BRAF: variants seen among roughly 807,000 people sequenced by gnomAD.
BRAF encodes the protein B-Raf proto-oncogene, serine/threonine kinase.
BRAF carries 16 observed loss-of-function variants against 104.6 expected under a neutral mutation model. The observed-to-expected ratio is 0.15, with a 90% CI of 0.10 to 0.23. The LOEUF (loss-of-function observed/expected upper bound fraction) is 0.23, where lower values mean the gene tolerates loss of function less well. Ranked by LOEUF, BRAF falls within the 10% of genes least tolerant of loss-of-function variation. The probability of loss-of-function intolerance (pLI) is 1.00; values close to 1 mark genes in which losing one functional copy is unlikely to be tolerated. For missense variants in BRAF, 541 were observed against 937.3 expected, an observed-to-expected ratio of 0.58 and a Z score of 5.52; for synonymous variants, 310 against 341.6, an observed-to-expected ratio of 0.91 and a Z score of 1.02.
chr7:140,718,469 C>T (rs111720314), downstream of BRAF, among the ~76,000 whole-genome samples: 1,559 of 152,300 alleles, frequency 0.01, 29 homozygotes, highest in African/African-American at 0.035. Flanking sequence ...AGGCTGGTCT[C>T]GAACTCCTAA....
intron 1 of BRAF, among the ~76,000 whole-genome samples, chr7:140,851,502 T>C (rs996667475): frequency 6.6e-6 from 1 of 152,216 alleles, no homozygotes; most frequent in African/African-American, 2.4e-5. Flanking sequence ...GACATTTAGA[T>C]TATTCCATTT....
intron 3 of BRAF, among the ~76,000 whole-genome samples, chr7:140,827,023 A>C (rs1342274982): frequency 6.6e-6 from 1 of 152,192 alleles, no homozygotes; most frequent in Non-Finnish European, 1.5e-5. Flanking sequence ...TCTTACAGGA[A>C]GTCAACATTC....
chr7:140,790,031 A>G (rs896198845), intron 8 of BRAF, among the ~76,000 whole-genome samples: 3 of 152,204 alleles, frequency 2.0e-5, no homozygotes, highest in African/African-American at 7.2e-5. Context: ...CACCCAGCCG[A>G]TAAGATTTTT....
chr7:140,903,725 A>G (rs1339638562), intron 1 of BRAF, among the ~76,000 whole-genome samples: 1 of 152,244 alleles, frequency 6.6e-6, no homozygotes, highest in Non-Finnish European at 1.5e-5. Context: ...GATGCCATAA[A>G]GAACATTTGT....
rs2130867443 is a variant in BRAF, at chr7:140,734,608, G to A, written c.2401+9C>T. On this transcript the variant is annotated intron_variant, in intron 19 of 19. Coordinates refer to ENST00000644969, the MANE Select transcript of BRAF (RefSeq NM_001374258.1). ...CTCACTCATTTGTTTCAGTGGACAG[G>A]AAACGCACCATATCCCCCTGCCTGG... is the stretch of plus-strand genomic sequence containing the variant. 6.2e-7 allele frequency: 1 copy of A among 1,613,670 alleles called. No homozygotes were observed. The highest frequency in any genetic ancestry group is 8.5e-7 in the Non-Finnish European group (1 of 1,179,942).
intron 1 of BRAF, among the ~76,000 whole-genome samples, chr7:140,872,571 A>T (rs1479806984): frequency 3.9e-5 from 6 of 152,138 alleles, no homozygotes; most frequent in African/African-American, 1.4e-4. Context: ...AGAAAGAATA[A>T]GAGCTGGGCA....
intron 8 of BRAF, among the ~76,000 whole-genome samples, chr7:140,788,661 T>C (rs1801636722): frequency 2.0e-5 from 3 of 152,048 alleles, no homozygotes; most frequent in Non-Finnish European, 4.4e-5. Flanking sequence ...TGATCTTGGC[T>C]TATTGCAACC....
chr7:140,830,262 T>G (rs559876841), intron 3 of BRAF, among the ~76,000 whole-genome samples: 1 of 152,344 alleles, frequency 6.6e-6, no homozygotes, highest in African/African-American at 2.4e-5. Flanking sequence ...AAATAAAAAT[T>G]AGGTTGATTT....
intron 12 of BRAF, among the ~76,000 whole-genome samples, chr7:140,779,228 G>A (rs943548102): frequency 6.6e-6 from 1 of 152,074 alleles, no homozygotes; most frequent in Non-Finnish European, 1.5e-5. Flanking sequence ...TGCTAGTAAT[G>A]TTCTGTTTAT....
Position 140,760,439 on chromosome 7 carries a change from A to G in BRAF, c.1815-6206T>C, listed in dbSNP as rs923484476. 2.0e-4 allele frequency among the ~76,000 whole-genome samples: 30 copies of G among 147,030 alleles called. No homozygotes were observed. The East Asian group carries it at 4.6e-3, about 22-fold the overall frequency. On this transcript the variant is annotated intron_variant, in intron 14 of 19. Transcript: ENST00000644969. ...AGAGAGAGAAAAAAAAAAAAAAAAA[A>G]GATGTTTTCTGGAGCAGCAGGGGCA...
intron 1 of BRAF, among the ~76,000 whole-genome samples, chr7:140,859,234 A>G (rs1374211998): frequency 6.6e-6 from 1 of 152,202 alleles, no homozygotes; most frequent in East Asian, 1.9e-4. Flanking sequence ...TTGGTAGCTT[A>G]TCAAAAAGTT....
Position 140,781,492 on chromosome 7 carries a change from C to A in BRAF, c.1552+84G>T. The stretch of plus-strand genomic sequence containing the variant: ...TATTGATGCGAACAGTGAATATTTC[C>A]TTTGATGATATTTTTTACAAAATAA... On this transcript the variant is annotated intron_variant, in intron 12 of 19. Transcript: ENST00000644969. 3 of 1,270,572 alleles carry A rather than the reference C, an allele frequency of 2.4e-6. No homozygotes were observed. In the South Asian group the frequency reaches 3.6e-5, roughly 15 times the overall value. The allele number at this position is 1,270,572 out of a possible 1,614,324, so 78.7% of individuals were successfully genotyped here.
chr7:140,740,273 T>TA (rs201750702), intron 17 of BRAF: 1,737 of 186,948 alleles, frequency 9.3e-3, no homozygotes, highest in Middle Eastern at 0.018. Context: ...TTCTTTACTT[T>TA]AAAAAAAAAA....
At chr7:140,860,463 TAGAAAAAAAAAAAAAAA>T (rs1231948106) in intron 1 of BRAF, among the ~76,000 whole-genome samples, 2 of 109,008 alleles carry the variant, frequency 1.8e-5, no homozygotes, top group Non-Finnish European at 3.4e-5. Flanking sequence ...ACCCCATCTC[TAGAAAAAAAAAAAAAAA>T]AGAAAAAAAA....
chr7:140,847,298 C>T (rs1473481042), intron 2 of BRAF, among the ~76,000 whole-genome samples: 1 of 148,336 alleles, frequency 6.7e-6, no homozygotes, highest in Admixed American at 6.7e-5. Flanking sequence ...AATTGCTATT[C>T]CCGGCCAGGC....
intron 18 of BRAF, among the ~76,000 whole-genome samples, chr7:140,739,248 G>A (rs1029529428): frequency 2.0e-5 from 3 of 152,026 alleles, no homozygotes; most frequent in Admixed American, 6.6e-5. Context: ...TTTTACAAGC[G>A]TTAAGTAGAG....
At chr7:140,840,400 C>T (rs1807818448) in intron 2 of BRAF, among the ~76,000 whole-genome samples, 1 of 139,142 alleles carries the variant, frequency 7.2e-6, no homozygotes, top group South Asian at 2.3e-4. Context: ...CACATTTAAA[C>T]TTTTGTACTT....
intron 2 of BRAF, 38 bp from the exon 3 acceptor site, chr7:140,834,910 T>C: frequency 6.2e-7 from 1 of 1,609,336 alleles, no homozygotes; most frequent in Non-Finnish European, 8.5e-7. Context: ...ATCCGGACTT[T>C]GTCCTGACAT....
At chr7:140,752,618 A>G (rs540429150) in intron 16 of BRAF, among the ~76,000 whole-genome samples, 1 of 151,486 alleles carries the variant, frequency 6.6e-6, no homozygotes, top group South Asian at 2.1e-4. Context: ...ACAAAGCAAA[A>G]AACAAGAAGA....
Sources: gnomAD v4.1 joint callset for allele counts (sites outside exome capture counted in the v4.1 genomes callset) on GRCh38, gnomAD v4.1.1 for gene constraint, MANE v1.5 for transcripts, NCBI Gene and HGNC (gene_info 2026-07-23, HGNC 2026-07-21) for gene names.